MACROD2: variants seen among roughly 807,000 people sequenced by gnomAD.
MACROD2 encodes the protein mono-ADP ribosylhydrolase 2.
In MACROD2, 36 loss-of-function variants were observed where a neutral mutation model predicts 70.4. The observed-to-expected ratio is 0.51, with a 90% CI of 0.39 to 0.68. The LOEUF is 0.68. Among genes scored for constraint, MACROD2 ranks in the 30% least tolerant of loss-of-function variants. The pLI, the probability that MACROD2 is intolerant of heterozygous loss-of-function variation, is 0.00. For synonymous variants in MACROD2, 172 were observed against 178.8 expected, an observed-to-expected ratio of 0.96 and a Z score of 0.30; for missense variants, 496 against 538.4, an observed-to-expected ratio of 0.92 and a Z score of 0.78.
At chr20:14,452,422 C>T (rs1278522107) in intron 3 of MACROD2, among the ~76,000 whole-genome samples, 1 of 151,760 alleles carries the variant, frequency 6.6e-6, no homozygotes, top group South Asian at 2.1e-4. Flanking sequence ...TGACAATATC[C>T]ATCTTATATT....
intron 3 of MACROD2, among the ~76,000 whole-genome samples, chr20:14,125,628 T>C (rs2054639029): frequency 1.3e-5 from 2 of 152,188 alleles, no homozygotes; most frequent in Admixed American, 6.5e-5. Context: ...TACATGCATG[T>C]ACATATTTGT....
chr20:14,462,484 T>C (rs2084384270), intron 3 of MACROD2, among the ~76,000 whole-genome samples: 2 of 152,234 alleles, frequency 1.3e-5, no homozygotes, highest in South Asian at 4.1e-4. Context: ...TTCTGTAGGT[T>C]GCCTGTTCAC....
At chr20:15,612,170 C>T (rs369213242) in intron 8 of MACROD2, among the ~76,000 whole-genome samples, 1 of 152,078 alleles carries the variant, frequency 6.6e-6, no homozygotes, top group Non-Finnish European at 1.5e-5. Context: ...AGGAGTTAGT[C>T]TTGTTTCAAA....
intron 6 of MACROD2, among the ~76,000 whole-genome samples, chr20:15,425,896 G>C (rs558578349): frequency 6.6e-6 from 1 of 152,302 alleles, no homozygotes; most frequent in East Asian, 1.9e-4. Flanking sequence ...GATGGCTTAG[G>C]GTTTATTGTG....
rs1394911027 is a variant in MACROD2 at position 15,319,272 on chromosome 20, TAAAAC to T, written c.540+89214_540+89218del. Among the ~76,000 whole-genome samples, 3 of 152,272 alleles carry T rather than the reference TAAAAC, an allele frequency of 2.0e-5. No homozygotes were observed. The East Asian group carries it at 5.8e-4, about 29-fold the overall frequency. On this transcript the variant is annotated intron_variant, in intron 6 of 17. Transcript: ENST00000684519. The stretch of plus-strand genomic sequence containing the variant: ...TTAAATAATAAATGAATTGTACACT[TAAAAC>T]AATAAAACATTGCTGAAAGTAATTC...
intron 3 of MACROD2, among the ~76,000 whole-genome samples, chr20:14,266,407 A>C (rs1056824963): frequency 6.6e-6 from 1 of 152,170 alleles, no homozygotes; most frequent in Admixed American, 6.5e-5. Flanking sequence ...GGATATAGAG[A>C]ACTCTGCCTC....
chr20:14,050,653 C>G (rs2053554359), intron 2 of MACROD2, among the ~76,000 whole-genome samples: 1 of 152,188 alleles, frequency 6.6e-6, no homozygotes, highest in African/African-American at 2.4e-5. Context: ...GGGAATGGTG[C>G]AACAAATACA....
intron 8 of MACROD2, among the ~76,000 whole-genome samples, chr20:15,655,564 G>A (rs2049717692): frequency 6.6e-6 from 1 of 152,076 alleles, no homozygotes; most frequent in Admixed American, 6.6e-5. Context: ...TTCACAGCCT[G>A]CCTTGCACTT....
At chr20:14,343,672 G>A (rs375833962) in intron 3 of MACROD2, among the ~76,000 whole-genome samples, 8 of 152,214 alleles carry the variant, frequency 5.3e-5, no homozygotes, top group African/African-American at 1.4e-4. Flanking sequence ...TGAGATAACA[G>A]TATCTAACCC....
chr20:14,742,805 C>T (rs532917929), intron 5 of MACROD2, among the ~76,000 whole-genome samples: 7 of 150,208 alleles, frequency 4.7e-5, no homozygotes, highest in Admixed American at 1.3e-4. Flanking sequence ...CTCACTCTGT[C>T]GCCCAGGCTG....
At chr20:15,733,158 A>G (rs927017585) in intron 8 of MACROD2, among the ~76,000 whole-genome samples, 6 of 152,044 alleles carry the variant, frequency 3.9e-5, no homozygotes, top group African/African-American at 1.2e-4. Flanking sequence ...TTTTCATAGT[A>G]TTCTTTTGTT....
intron 3 of MACROD2, among the ~76,000 whole-genome samples, chr20:14,318,567 G>A (rs541849043): frequency 5.9e-5 from 9 of 152,316 alleles, no homozygotes; most frequent in Admixed American, 3.3e-4. Flanking sequence ...TGTATTTTGA[G>A]ATAAAGTTGG....
chr20:14,421,694 A>G (rs935158250), intron 3 of MACROD2, among the ~76,000 whole-genome samples: 2 of 152,100 alleles, frequency 1.3e-5, no homozygotes, highest in Admixed American at 1.3e-4. Flanking sequence ...TAATTTCCAT[A>G]TACTTATGAA....
chr20:15,882,902 T>A (rs1332641562), intron 9 of MACROD2, among the ~76,000 whole-genome samples: 1 of 152,056 alleles, frequency 6.6e-6, no homozygotes, highest in Admixed American at 6.6e-5. Flanking sequence ...ATGTTCTACA[T>A]ACAAGAAGAC....
chr20:15,751,265 A>C (rs974975682), intron 8 of MACROD2, among the ~76,000 whole-genome samples: 2 of 152,086 alleles, frequency 1.3e-5, no homozygotes, highest in African/African-American at 4.8e-5. Context: ...ATGTATAATT[A>C]TGATGTATCA....
intron 4 of MACROD2, among the ~76,000 whole-genome samples, chr20:14,515,976 T>C (rs964455941): frequency 1.6e-4 from 24 of 147,682 alleles, no homozygotes. Context: ...ATATATTTTA[T>C]ATAAAATATA....
intron 5 of MACROD2, among the ~76,000 whole-genome samples, chr20:15,073,649 G>A (rs950805790): frequency 1.3e-5 from 2 of 152,076 alleles, no homozygotes; most frequent in Non-Finnish European, 2.9e-5. Context: ...TCATGTATAA[G>A]TTTCATATAC....
intron 5 of MACROD2, among the ~76,000 whole-genome samples, chr20:14,685,272 A>G (rs928868721): frequency 2.0e-5 from 3 of 152,174 alleles, no homozygotes; most frequent in Non-Finnish European, 1.5e-5. Flanking sequence ...ACATTATAGC[A>G]TTTAAGTGCC....
chr20:15,648,732 T>C (rs543578068), intron 8 of MACROD2, among the ~76,000 whole-genome samples: 1 of 151,980 alleles, frequency 6.6e-6, no homozygotes, highest in Non-Finnish European at 1.5e-5. Flanking sequence ...GATGGATGGA[T>C]GGATGGATGG....
Sources: gnomAD v4.1 joint callset for allele counts (sites outside exome capture counted in the v4.1 genomes callset) on GRCh38, gnomAD v4.1.1 for gene constraint, MANE v1.5 for transcripts, NCBI Gene and HGNC (gene_info 2026-07-23, HGNC 2026-07-21) for gene names.